FHL1: variants seen among roughly 807,000 people sequenced by gnomAD.
FHL1 encodes the protein four and a half LIM domains 1.
A neutral mutation model predicts 20.3 loss-of-function variants in FHL1; 1 was observed. The ratio of observed to expected loss-of-function variants is 0.05; its 90% CI spans 0.02 to 0.23. The LOEUF is 0.23. Ranked by LOEUF, FHL1 falls within the 10% of genes least tolerant of loss-of-function variation. The probability of loss-of-function intolerance (pLI) is 1.00; values close to 1 mark genes in which losing one functional copy is unlikely to be tolerated. For missense variants in FHL1, 177 were observed against 234.0 expected (o/e 0.76, Z 1.59); for synonymous variants, 82 against 88.9 (o/e 0.92, Z 0.44).
intron 2 of FHL1, among the ~76,000 whole-genome samples, chrX:136,170,605 T>TTA (rs1309436972): frequency 9.0e-6 from 1 of 111,520 alleles, no homozygotes; most frequent in East Asian, 2.8e-4. Flanking sequence ...AGTGGCTTGT[T>TTA]TATACTCTGT....
upstream of FHL1, among the ~76,000 whole-genome samples, chrX:136,193,955 C>T (rs781172421): frequency 1.8e-5 from 2 of 108,361 alleles, no homozygotes; most frequent in Non-Finnish European, 3.8e-5. Context: ...CACACCCCAA[C>T]CCCCCCCAGC....
upstream of FHL1, among the ~76,000 whole-genome samples, chrX:136,196,585 A>G (rs931620957): frequency 4.5e-5 from 5 of 111,781 alleles, no homozygotes; most frequent in African/African-American, 1.6e-4. Flanking sequence ...GACAACATCT[A>G]TAATCCCCTT....
chrX:136,196,775 C>G, upstream of FHL1: 1 of 1,158,354 alleles, frequency 8.6e-7, no homozygotes, highest in Non-Finnish European at 1.2e-6. Context: ...ATGCCAGAGC[C>G]GAGTCCAAAT....
At chrX:136,185,141 C>T (rs144857742) in intron 2 of FHL1, among the ~76,000 whole-genome samples, 4,945 of 111,794 alleles carry the variant, frequency 0.044, 119 homozygotes, top group Admixed American at 0.072. Flanking sequence ...AATTTTATGA[C>T]GTTAATTTTT....
intron 1 of FHL1, chrX:136,206,061 C>T (rs1369103040): frequency 3.0e-6 from 1 of 336,693 alleles, no homozygotes; most frequent in African/African-American, 2.6e-5. Context: ...GCATCCTGTC[C>T]CCTATCTGGT....
Position 136,210,783 on chromosome X carries a change from A to T in FHL1, c.*758A>T, listed in dbSNP as rs1285010755. On this transcript the variant is annotated 3_prime_UTR_variant, in exon 6 of 6. Transcript: ENST00000370683. ...CGAATACTTCTGGAAGCTTAACAAA[A>T]CTAACCCTGCTGTCCTTTTTATTGT... 5.2e-6 allele frequency: 2 copies of T among 385,879 alleles called. No individual in the cohort carries two copies. Among genetic ancestry groups the T allele is most frequent in the Non-Finnish European group, 9.7e-6 (2 of 205,234 alleles). The allele number at this position is 385,879 out of a possible 1,213,427, so 31.8% of individuals were successfully genotyped here.
chrX:136,170,120 C>T, intron 2 of FHL1: 1 of 270,464 alleles, frequency 3.7e-6, no homozygotes, highest in Non-Finnish European at 7.0e-6. Flanking sequence ...CAACCAATGT[C>T]ACTGCTTACC....
chrX:136,196,894 T>C (rs1012862262), upstream of FHL1: 10 of 1,136,333 alleles, frequency 8.8e-6, no homozygotes, highest in African/African-American at 1.8e-4. Context: ...GTATTTTTAC[T>C]GGGTCCTATT....
intron 1 of FHL1, among the ~76,000 whole-genome samples, chrX:136,156,026 A>G (rs1229054278): frequency 2.7e-5 from 3 of 109,967 alleles, no homozygotes; most frequent in African/African-American, 9.9e-5. Flanking sequence ...ATAGTACACT[A>G]TTTCTCTTCT....
chrX:136,174,075 C>G (rs1460934188), intron 2 of FHL1, among the ~76,000 whole-genome samples: 1 of 111,803 alleles, frequency 8.9e-6, no homozygotes, highest in Admixed American at 9.5e-5. Flanking sequence ...CTCCTTGACA[C>G]TAAGGACAAG....
chrX:136,163,230 G>T (rs773188157), intron 1 of FHL1, among the ~76,000 whole-genome samples: 1 of 112,326 alleles, frequency 8.9e-6, no homozygotes, highest in Admixed American at 9.4e-5. Context: ...AGTTGCTTTG[G>T]CTCTCCAGGT....
upstream of FHL1, chrX:136,196,681 C>T (rs1452436706): frequency 2.0e-6 from 1 of 511,081 alleles, no homozygotes; most frequent in Non-Finnish European, 3.2e-6. Context: ...TCATTAACAG[C>T]ACAAAAATGT....
chrX:136,194,127 C>T (rs183578155), upstream of FHL1, among the ~76,000 whole-genome samples: 1 of 111,942 alleles, frequency 8.9e-6, no homozygotes, highest in African/African-American at 3.2e-5. Flanking sequence ...CTTTTCTCAT[C>T]TCCAAACCAG....
At chrX:136,153,005 C>T (rs1403673129) in intron 1 of FHL1, among the ~76,000 whole-genome samples, 1 of 111,899 alleles carries the variant, frequency 8.9e-6, no homozygotes, top group Non-Finnish European at 1.9e-5. Context: ...TCACCTTCCA[C>T]CTTTCTTAGG....
intron 1 of FHL1, among the ~76,000 whole-genome samples, chrX:136,162,495 A>G (rs1160641462): frequency 2.7e-5 from 3 of 111,876 alleles, no homozygotes; most frequent in African/African-American, 9.8e-5. Context: ...AAAATACAAA[A>G]CATTAGCCTG....
At chrX:136,203,822 T>C (rs56371898) in intron 1 of FHL1, among the ~76,000 whole-genome samples, 2,362 of 112,418 alleles carry the variant, frequency 0.021, 52 homozygotes, top group African/African-American at 0.072. Flanking sequence ...TTGTGTTTTC[T>C]AGTGTTTTTT....
intron 1 of FHL1, among the ~76,000 whole-genome samples, chrX:136,197,545 A>G (rs2024704): frequency 0.41 from 45,394 of 110,881 alleles, 6,691 homozygotes; most frequent in African/African-American, 0.45. Flanking sequence ...TGTGGAGCTG[A>G]AAGGAGGAAC....
rs1002793621 is a variant in FHL1, at chrX:136,202,407, TTC to T, written c.23-3995_23-3994del. On this transcript the variant is annotated intron_variant, in intron 1 of 5. Coordinates refer to ENST00000370683, the MANE Select transcript of FHL1 (RefSeq NM_001159699.2). ...AAAATGCTATCTTCATTTTTCCCTA[TTC>T]TCTCATTTCAAACAAAAGAAAGTGC... Among the ~76,000 whole-genome samples, 115 of 109,107 alleles carry T rather than the reference TTC, an allele frequency of 1.1e-3. 1 individual carries two copies. Among genetic ancestry groups the T allele is most frequent in the African/African-American group, 3.6e-3 (109 of 29,865 alleles). 94.7% of individuals were successfully genotyped at this position (109,107 alleles called of 115,157 possible).
chrX:136,174,981 A>G (rs767076860), intron 2 of FHL1, among the ~76,000 whole-genome samples: 1 of 112,447 alleles, frequency 8.9e-6, no homozygotes, highest in South Asian at 3.6e-4. Flanking sequence ...TTTCAAATAT[A>G]TACAGTCCTA....
Sources: allele counts gnomAD v4.1 joint callset (sites outside exome capture counted in the v4.1 genomes callset), GRCh38; gene constraint gnomAD v4.1.1; transcripts MANE v1.5; gene names NCBI Gene and HGNC (gene_info 2026-07-23, HGNC 2026-07-21).